Variants in PARP8 observed in about 807,000 individuals in gnomAD.
PARP8 encodes poly(ADP-ribose) polymerase family member 8, also known as protein mono-ADP-ribosyltransferase PARP8.
PARP8 carries 51 observed loss-of-function variants against 124.1 expected under a neutral mutation model. The observed-to-expected ratio is 0.41, with a 90% CI of 0.33 to 0.52. The LOEUF (loss-of-function observed/expected upper bound fraction) is 0.52. PARP8 is among the 20% of genes least tolerant of loss of function. PARP8 has a pLI of 0.21. For synonymous variants in PARP8, 391 were observed against 361.5 expected (o/e 1.08, Z -0.93); for missense variants, 860 against 1,018.9 (o/e 0.84, Z 2.12).
At chr5:50,687,986 G>GCACA (rs1752058994) in intron 2 of PARP8, among the ~76,000 whole-genome samples, 1 of 152,024 alleles carries the variant, frequency 6.6e-6, no homozygotes, top group South Asian at 2.1e-4. Flanking sequence ...CAAGTAGCTG[G>GCACA]GACTACAGAT....
chr5:50,731,950 A>C (rs536601789), intron 2 of PARP8, among the ~76,000 whole-genome samples: 2 of 152,188 alleles, frequency 1.3e-5, no homozygotes, highest in African/African-American at 4.8e-5. Context: ...GTGTTCATGC[A>C]TCTCCCTACG....
intron 14 of PARP8, among the ~76,000 whole-genome samples, chr5:50,802,434 T>A (rs1280362780): frequency 6.6e-6 from 1 of 152,136 alleles, no homozygotes; most frequent in Non-Finnish European, 1.5e-5. Flanking sequence ...CCTGCTTGCA[T>A]CACCCTCGCA....
intron 14 of PARP8, among the ~76,000 whole-genome samples, chr5:50,803,395 C>T (rs1029554162): frequency 6.6e-6 from 1 of 151,964 alleles, no homozygotes; most frequent in Non-Finnish European, 1.5e-5. Context: ...TGTTTTAAGC[C>T]ATATATATTC....
In PARP8 at chr5:50,742,869, C is replaced by T. The variant is rs993938011; in HGVS notation, c.147-7282C>T. Among the ~76,000 whole-genome samples the T allele has an allele frequency of 5.3e-5, 8 of 152,018 alleles. No homozygotes were observed. The East Asian group carries it at 9.6e-4, about 18-fold the overall frequency. On this transcript the variant is annotated intron_variant, in intron 2 of 25. Coordinates refer to ENST00000281631, the MANE Select transcript of PARP8 (RefSeq NM_024615.4). The stretch of plus-strand genomic sequence containing the variant: ...AGGTAGTCTGCAGGGGCAAGGTAGG[C>T]GCTGCACATTGAAGGAGTCGAAGAT...
chr5:50,789,582 C>T (rs560539260), intron 10 of PARP8, among the ~76,000 whole-genome samples: 2 of 152,140 alleles, frequency 1.3e-5, no homozygotes, highest in Non-Finnish European at 2.9e-5. Flanking sequence ...TGATTTCATA[C>T]GAAGACATAA....
rs139419362 is a variant in PARP8, at chr5:50,717,870, G to A, written c.147-32281G>A. On this transcript the variant is annotated intron_variant, in intron 2 of 25. Transcript: ENST00000281631. Reference sequence around the variant, plus strand: ...GTTCAGCTGTGACAGGGAGAGAGAAGTGACTGATGGATTTAGGATCATGGA... The same window carrying A: ...GTTCAGCTGTGACAGGGAGAGAGAAATGACTGATGGATTTAGGATCATGGA... 1.3e-4 allele frequency among the ~76,000 whole-genome samples: 19 copies of A among 151,944 alleles called. No individual in the cohort carries two copies. The East Asian group carries it at 3.3e-3, about 26-fold the overall frequency.
In PARP8 at chr5:50,717,482, A is replaced by G. The variant is rs1755436092; in HGVS notation, c.147-32669A>G. Among the ~76,000 whole-genome samples the G allele has an allele frequency of 2.0e-5, 3 of 152,178 alleles. No homozygotes were observed. The South Asian group carries it at 6.2e-4, about 32-fold the overall frequency. ...AGGTCAAATCAGAAGTTAGATTTCT[A>G]GTCTGGAGTTCAAGTGTGAGGTTAG... On this transcript the variant is annotated intron_variant, in intron 2 of 25. Transcript: ENST00000281631.
intron 17 of PARP8, among the ~76,000 whole-genome samples, chr5:50,823,494 A>C (rs1304225778): frequency 6.6e-6 from 1 of 152,184 alleles, no homozygotes; most frequent in Non-Finnish European, 1.5e-5. Flanking sequence ...CTATGCCAGT[A>C]CCTTTCTGTA....
intron 2 of PARP8, among the ~76,000 whole-genome samples, chr5:50,675,387 C>T (rs542262217): frequency 6.6e-6 from 1 of 152,276 alleles, no homozygotes; most frequent in Admixed American, 6.5e-5. Context: ...TCGCTGCAAC[C>T]TCCGCCCCCC....
chr5:50,673,734 A>T (rs989137226), intron 2 of PARP8, among the ~76,000 whole-genome samples: 2 of 152,230 alleles, frequency 1.3e-5, no homozygotes, highest in African/African-American at 4.8e-5. Context: ...TGGCAAAGGT[A>T]GTGCCTGAGC....
intron 9 of PARP8, among the ~76,000 whole-genome samples, chr5:50,783,919 A>G (rs114845185): frequency 1.9e-3 from 292 of 152,272 alleles, no homozygotes; most frequent in Non-Finnish European, 3.2e-3. Context: ...TCCCTTTAGT[A>G]TGTTAGCTGT....
At chr5:50,781,911 T>G (rs1211871501) in intron 9 of PARP8, among the ~76,000 whole-genome samples, 1 of 152,184 alleles carries the variant, frequency 6.6e-6, no homozygotes, top group Non-Finnish European at 1.5e-5. Flanking sequence ...CTATCTACCC[T>G]CGTCTCACTT....
chr5:50,749,042 T>A (rs1758927473), intron 2 of PARP8, among the ~76,000 whole-genome samples: 1 of 152,190 alleles, frequency 6.6e-6, no homozygotes, highest in Admixed American at 6.5e-5. Context: ...GGTTTTTCCT[T>A]TACATCCTTA....
At chr5:50,745,180 C>T (rs969513902) in intron 2 of PARP8, 50 of 165,416 alleles carry the variant, frequency 3.0e-4, no homozygotes, top group Non-Finnish European at 1.2e-4. Flanking sequence ...AAATTAGGTA[C>T]GTTCACGAAC....
rs377556251 is a variant in PARP8, at chr5:50,794,875, G to T, written c.886G>T (p.Gly296Cys). ...LRRSPSYPPP[G>C]CGKSKSKLKS... ...AAGGTCGCCAAGTTATCCTCCCCCT[G>T]GTTGTGGCAAAAGCAAATCCAAACT... Residue 296 changes from glycine (G) to cysteine (C), a missense_variant, in exon 12 of 26, where the codon GGT becomes TGT. Gly to Cys is a radical substitution (Grantham distance 159). Coordinates refer to ENST00000281631, the MANE Select transcript of PARP8 (RefSeq NM_024615.4). 2.9e-5 allele frequency: 47 copies of T among 1,613,812 alleles called. No individual in the cohort carries two copies. Among genetic ancestry groups the T allele is most frequent in the Non-Finnish European group, 3.8e-5 (45 of 1,179,880 alleles).
chr5:50,695,310 T>C (rs1331621532), intron 2 of PARP8, among the ~76,000 whole-genome samples: 1 of 152,210 alleles, frequency 6.6e-6, no homozygotes. Flanking sequence ...ACTGTAGGTG[T>C]CACCATGACC....
At chr5:50,673,419 T>C (rs924227547) in intron 2 of PARP8, among the ~76,000 whole-genome samples, 2 of 152,232 alleles carry the variant, frequency 1.3e-5, no homozygotes, top group East Asian at 1.9e-4. Context: ...TATAGTGATA[T>C]TTATTAAGCA....
intron 17 of PARP8, 76 bp downstream of exon 17, chr5:50,822,476 C>G: frequency 1.4e-5 from 16 of 1,142,828 alleles, no homozygotes; most frequent in South Asian, 1.0e-4. Flanking sequence ...GAAATGTAGA[C>G]TTCTCTATAA....
chr5:50,777,202 CAG>C (rs1189784261), intron 7 of PARP8, among the ~76,000 whole-genome samples: 24 of 152,220 alleles, frequency 1.6e-4, no homozygotes, highest in Admixed American at 2.6e-4. Flanking sequence ...GCGGAGATGG[CAG>C]TAGTACCTTA....
Sources: allele counts gnomAD v4.1 joint callset (sites outside exome capture counted in the v4.1 genomes callset), GRCh38; gene constraint gnomAD v4.1.1; transcripts MANE v1.5; gene names NCBI Gene and HGNC (gene_info 2026-07-23, HGNC 2026-07-21).